The following SLC41A3 variants were observed in gnomAD, a reference collection of about 807,000 sequenced individuals.
The protein encoded by SLC41A3 is SLC41A1-like 2.
SLC41A3 carries 44 observed loss-of-function variants against 45.4 expected under a neutral mutation model. That is an observed-to-expected ratio of 0.97 (90% CI 0.76 to 1.25). The LOEUF (loss-of-function observed/expected upper bound fraction) is 1.25. Ranked by LOEUF, SLC41A3 falls within the 50% of genes most tolerant of loss-of-function variation. The pLI is 0.00. For missense variants in SLC41A3, 550 were observed against 600.6 expected (o/e 0.92, Z 0.88); for synonymous variants, 256 against 252.4 (o/e 1.01, Z -0.13).
chr3:126,077,933 G>A (rs1160858597), intron 1 of SLC41A3, among the ~76,000 whole-genome samples: 5 of 152,186 alleles, frequency 3.3e-5, no homozygotes, highest in Non-Finnish European at 5.9e-5. Context: ...CGGCACCCTC[G>A]GTGGCAGGAA....
At chr3:126,062,584 T>C (rs1022905385) in intron 2 of SLC41A3, among the ~76,000 whole-genome samples, 1 of 152,124 alleles carries the variant, frequency 6.6e-6, no homozygotes, top group African/African-American at 2.4e-5. Flanking sequence ...GCACTCACAA[T>C]GAGAGAGGGG....
chr3:126,018,232 A>T (rs940528339), intron 6 of SLC41A3, among the ~76,000 whole-genome samples: 5 of 152,226 alleles, frequency 3.3e-5, no homozygotes, highest in Non-Finnish European at 7.3e-5. Context: ...TGTCTAAATC[A>T]TAAGTCATGT....
At chr3:126,056,436 G>C (rs1012264985) in intron 2 of SLC41A3, 31 of 1,614,232 alleles carry the variant, frequency 1.9e-5, no homozygotes, top group Non-Finnish European at 2.6e-5. Flanking sequence ...CCTGGCACAT[G>C]ATGGTGAAGA....
At chr3:126,050,810 G>T in intron 3 of SLC41A3, 133 bp downstream of exon 3, 1 of 1,387,692 alleles carries the variant, frequency 7.2e-7, no homozygotes, top group Non-Finnish European at 9.4e-7. Context: ...ACAGCATGAT[G>T]AGGTATCAAA....
At chr3:126,085,420 C>T (rs1039940451), upstream of SLC41A3, 5 of 152,178 alleles carry the variant, frequency 3.3e-5, no homozygotes, top group Admixed American at 2.6e-4. Context: ...ACTCAGGACC[C>T]CAAAGGAGTT....
chr3:126,035,557 A>G (rs2107784770), intron 3 of SLC41A3, among the ~76,000 whole-genome samples: 1 of 152,358 alleles, frequency 6.6e-6, no homozygotes, highest in East Asian at 1.9e-4. Context: ...AACGCTGAAC[A>G]CTACAGGGAT....
intron 1 of SLC41A3, among the ~76,000 whole-genome samples, chr3:126,097,368 T>G (rs879272934): frequency 2.6e-5 from 4 of 152,224 alleles, no homozygotes; most frequent in Middle Eastern, 3.4e-3. Flanking sequence ...TGTTAACAGG[T>G]GTGGACTACC....
intron 10 of SLC41A3, 63 bp downstream of exon 10, chr3:126,008,669 A>C: frequency 1.1e-5 from 18 of 1,589,064 alleles, no homozygotes; most frequent in African/African-American, 1.3e-5. Flanking sequence ...CACTCAGACA[A>C]GAGATCAAGC....
chr3:126,053,664 T>G (rs1334011280), intron 2 of SLC41A3, among the ~76,000 whole-genome samples: 1 of 152,218 alleles, frequency 6.6e-6, no homozygotes, highest in Non-Finnish European at 1.5e-5. Flanking sequence ...AGGTTTCCTG[T>G]TACCTGCAGC....
intron 1 of SLC41A3, among the ~76,000 whole-genome samples, chr3:126,101,140 C>T (rs1464064040): frequency 6.6e-6 from 1 of 152,212 alleles, no homozygotes; most frequent in African/African-American, 2.4e-5. Context: ...TTGGGCAATG[C>T]CCATCGCCGT....
chr3:126,067,933 T>G lies in SLC41A3; in HGVS notation c.273+14A>C. On this transcript the variant is annotated intron_variant, in intron 2 of 10. Transcript: ENST00000360370. ...CAGTGCCCCGCTCCCTGTCCCCATT[T>G]AGTTCCCTCTTACCTGGAAATAGTC... is the stretch of plus-strand genomic sequence containing the variant. The G allele has an allele frequency of 6.4e-7, 1 of 1,572,068 alleles. No individual in the cohort carries two copies. Among genetic ancestry groups the G allele is most frequent in the Non-Finnish European group, 8.6e-7 (1 of 1,159,370 alleles).
intron 4 of SLC41A3, among the ~76,000 whole-genome samples, chr3:126,032,294 T>C (rs1410219224): frequency 1.3e-5 from 2 of 152,086 alleles, no homozygotes; most frequent in African/African-American, 4.8e-5. Flanking sequence ...TGGGAGTGCC[T>C]AGAGCAGTGT....
intron 3 of SLC41A3, among the ~76,000 whole-genome samples, chr3:126,043,631 C>T (rs528323390): frequency 6.6e-6 from 1 of 151,832 alleles, no homozygotes; most frequent in African/African-American, 2.4e-5. Flanking sequence ...AGTTCAGAGG[C>T]AGAGCTATAA....
At chr3:126,086,407 T>TGG (rs200816951), upstream of SLC41A3, among the ~76,000 whole-genome samples, 1 of 106,480 alleles carries the variant, frequency 9.4e-6, no homozygotes, top group Non-Finnish European at 1.9e-5. Flanking sequence ...TTTGTTTTCT[T>TGG]GTTTTTTTTT....
chr3:126,084,666 A>C (rs551144524), upstream of SLC41A3, among the ~76,000 whole-genome samples: 3 of 152,310 alleles, frequency 2.0e-5, no homozygotes, highest in East Asian at 5.8e-4. Context: ...ACATTCTCAT[A>C]GTATTACGGT....
chr3:126,074,682 T>G (rs957133189), intron 1 of SLC41A3, among the ~76,000 whole-genome samples: 2 of 150,258 alleles, frequency 1.3e-5, no homozygotes, highest in East Asian at 1.9e-4. Context: ...TGGTTGTTGT[T>G]TTTTTTTTGT....
At chr3:126,096,581 A>G (rs1486753796) in intron 1 of SLC41A3, among the ~76,000 whole-genome samples, 4 of 152,294 alleles carry the variant, frequency 2.6e-5, no homozygotes, top group African/African-American at 9.6e-5. Flanking sequence ...ACCACAAACG[A>G]TAGCATGAGC....
chr3:126,047,514 T>C (rs1165757860), intron 3 of SLC41A3, among the ~76,000 whole-genome samples: 5 of 152,220 alleles, frequency 3.3e-5, no homozygotes, highest in East Asian at 1.9e-4. Flanking sequence ...CGAAACTTAT[T>C]ATAAAGCTAC....
chr3:126,039,587 T>G (rs150067165), intron 3 of SLC41A3, among the ~76,000 whole-genome samples: 442 of 152,354 alleles, frequency 2.9e-3, no homozygotes, highest in Non-Finnish European at 4.5e-3. Flanking sequence ...GTTTCTCCAC[T>G]GCAAACACTA....
Sources: gnomAD v4.1 joint callset for allele counts (sites outside exome capture counted in the v4.1 genomes callset) on GRCh38, gnomAD v4.1.1 for gene constraint, MANE v1.5 for transcripts, NCBI Gene and HGNC (gene_info 2026-07-23, HGNC 2026-07-21) for gene names.